CACNB4: variants seen among roughly 807,000 people sequenced by gnomAD.
CACNB4 encodes voltage-dependent L-type calcium channel subunit beta-4.
In CACNB4, 32 loss-of-function variants were observed where a neutral mutation model predicts 71.2. The observed-to-expected ratio is 0.45, with a 90% CI of 0.34 to 0.60. The LOEUF (loss-of-function observed/expected upper bound fraction) is 0.60, where lower values mean the gene tolerates loss of function less well. CACNB4 is among the 20% of genes least tolerant of loss of function. CACNB4 has a pLI of 0.01. For missense variants in CACNB4, 464 were observed against 647.9 expected, an observed-to-expected ratio of 0.72 and a Z score of 3.08; for synonymous variants, 231 against 236.9, an observed-to-expected ratio of 0.97 and a Z score of 0.23.
intron 12 of CACNB4, among the ~76,000 whole-genome samples, chr2:151,844,681 A>C (rs2099837081): frequency 6.6e-6 from 1 of 152,226 alleles, no homozygotes; most frequent in Non-Finnish European, 1.5e-5. Flanking sequence ...CGAGGTGCTG[A>C]CTTGAGTGAG....
intron 2 of CACNB4, among the ~76,000 whole-genome samples, chr2:151,918,999 C>T (rs550232655): frequency 3.3e-5 from 5 of 152,060 alleles, no homozygotes; most frequent in South Asian, 2.1e-4. Flanking sequence ...TCTGAAGTTC[C>T]GTAATATATG....
At chr2:152,061,358 A>G (rs554308541) in intron 2 of CACNB4, among the ~76,000 whole-genome samples, 106 of 152,316 alleles carry the variant, frequency 7.0e-4, no homozygotes, top group Admixed American at 1.2e-3. Flanking sequence ...AATTTTTAAA[A>G]TAGAGAAAAG....
chr2:151,945,092 T>C (rs2099865244), intron 2 of CACNB4, among the ~76,000 whole-genome samples: 1 of 152,226 alleles, frequency 6.6e-6, no homozygotes, highest in Non-Finnish European at 1.5e-5. Context: ...CCAGTAAATA[T>C]TGAACTTAGT....
Position 152,086,750 on chromosome 2 carries a change from A to T in CACNB4, c.147+11580T>A, listed in dbSNP as rs546379931. Among the ~76,000 whole-genome samples, 3 of 152,308 alleles carry T rather than the reference A, an allele frequency of 2.0e-5. No individual in the cohort carries two copies. In the East Asian group the frequency reaches 5.8e-4, roughly 29 times the overall value. ...TCTTTAATCCTGTCGATCACATCCT[A>T]TTATAAAAACCACCCCCCTCTATAG... On this transcript the variant is annotated intron_variant, in intron 2 of 13. Coordinates refer to ENST00000539935, the MANE Select transcript of CACNB4 (RefSeq NM_000726.5).
intron 2 of CACNB4, among the ~76,000 whole-genome samples, chr2:151,889,757 C>G (rs1198459061): frequency 3.9e-5 from 6 of 152,142 alleles, no homozygotes; most frequent in African/African-American, 1.2e-4. Context: ...TTTCCTTCAC[C>G]CCCTTTATCA....
At chr2:151,901,918 C>A (rs1028504147) in intron 2 of CACNB4, among the ~76,000 whole-genome samples, 1 of 152,128 alleles carries the variant, frequency 6.6e-6, no homozygotes, top group Non-Finnish European at 1.5e-5. Flanking sequence ...GCAGAACAAA[C>A]TGCCAGAAAA....
chr2:151,933,310 T>G (rs1459009148), intron 2 of CACNB4, among the ~76,000 whole-genome samples: 1 of 151,966 alleles, frequency 6.6e-6, no homozygotes, highest in African/African-American at 2.4e-5. Flanking sequence ...TAACAGGATA[T>G]TCTCTGCTTG....
chr2:151,932,880 C>T (rs1370424013), intron 2 of CACNB4, among the ~76,000 whole-genome samples: 2 of 146,652 alleles, frequency 1.4e-5, no homozygotes. Context: ...CAGGGACAGA[C>T]ACTAGAGGGA....
At chr2:151,900,585 C>T (rs2099853117) in intron 2 of CACNB4, among the ~76,000 whole-genome samples, 1 of 152,170 alleles carries the variant, frequency 6.6e-6, no homozygotes, top group South Asian at 2.1e-4. Context: ...ATGCAGATCA[C>T]AGCAAATCAG....
intron 2 of CACNB4, among the ~76,000 whole-genome samples, chr2:152,003,204 A>G (rs1203198504): frequency 6.6e-6 from 1 of 152,198 alleles, no homozygotes; most frequent in African/African-American, 2.4e-5. Context: ...GCACTTTGGG[A>G]GGCTGAGGCA....
At chr2:152,014,608 A>C (rs1388976506) in intron 2 of CACNB4, among the ~76,000 whole-genome samples, 1 of 151,728 alleles carries the variant, frequency 6.6e-6, no homozygotes, top group Non-Finnish European at 1.5e-5. Flanking sequence ...GCAGGCACCT[A>C]TAATCCCAGG....
intron 2 of CACNB4, among the ~76,000 whole-genome samples, chr2:151,920,792 G>A (rs2099858789): frequency 6.6e-6 from 1 of 152,140 alleles, no homozygotes; most frequent in Non-Finnish European, 1.5e-5. Context: ...AGGTCATAAT[G>A]TATCTTCAGG....
chr2:152,017,749 T>G (rs947069176), intron 2 of CACNB4, among the ~76,000 whole-genome samples: 14 of 151,716 alleles, frequency 9.2e-5, no homozygotes, highest in African/African-American at 3.4e-4. Flanking sequence ...ATAAAAGTCC[T>G]AAAACAATAA....
chr2:152,030,453 TTATG>T (rs1277747274), intron 2 of CACNB4, among the ~76,000 whole-genome samples: 1 of 152,220 alleles, frequency 6.6e-6, no homozygotes, highest in African/African-American at 2.4e-5. Context: ...GAAAAGAATT[TTATG>T]TATTTATTTA....
Position 151,900,346 on chromosome 2 carries a change from G to A in CACNB4, c.148-16976C>T, listed in dbSNP as rs868837544. 5.3e-5 allele frequency among the ~76,000 whole-genome samples: 8 copies of A among 152,340 alleles called. No homozygotes were observed. The Middle Eastern group carries it at 0.01, about 194-fold the overall frequency. On this transcript the variant is annotated intron_variant, in intron 2 of 13. Transcript: ENST00000539935. ...TGCAAAAAGGCAGAGGTCAGTCTGA[G>A]GTGATGAGGCCAAGAAAGGTGCATG...
intron 2 of CACNB4, among the ~76,000 whole-genome samples, chr2:151,946,583 C>G (rs1319142087): frequency 6.6e-6 from 1 of 152,150 alleles, no homozygotes; most frequent in Non-Finnish European, 1.5e-5. Flanking sequence ...ATCAATTTAG[C>G]AAAATTCTGA....
chr2:152,024,949 G>A (rs1474303146), intron 2 of CACNB4, among the ~76,000 whole-genome samples: 1 of 152,120 alleles, frequency 6.6e-6, no homozygotes, highest in South Asian at 2.1e-4. Context: ...CCAGGTACTC[G>A]GGAGGCTGAG....
At chr2:151,920,315 C>CTT (rs1559996320) in intron 2 of CACNB4, among the ~76,000 whole-genome samples, 2 of 81,050 alleles carry the variant, frequency 2.5e-5, no homozygotes, top group Non-Finnish European at 4.3e-5. Flanking sequence ...TCTTCTTCTT[C>CTT]TTCTTTTTTT....
At chr2:152,003,537 T>C (rs1475572816) in intron 2 of CACNB4, among the ~76,000 whole-genome samples, 1 of 152,024 alleles carries the variant, frequency 6.6e-6, no homozygotes, top group East Asian at 1.9e-4. Flanking sequence ...TATTTTGACC[T>C]CCTCTCCAAA....
Sources: gnomAD v4.1 joint callset for allele counts (sites outside exome capture counted in the v4.1 genomes callset) on GRCh38, gnomAD v4.1.1 for gene constraint, MANE v1.5 for transcripts, NCBI Gene and HGNC (gene_info 2026-07-23, HGNC 2026-07-21) for gene names.